Variants in PLS3 observed in about 807,000 individuals in gnomAD.
PLS3 encodes plastin 3, also known as plastin-3.
In PLS3, 11 loss-of-function variants were observed where a neutral mutation model predicts 46.5. That is an observed-to-expected ratio of 0.24 (90% CI 0.15 to 0.39). PLS3 has a LOEUF of 0.39. PLS3 is among the 10% of genes least tolerant of loss of function. PLS3 has a pLI of 1.00. For missense variants in PLS3, 308 were observed against 461.8 expected (o/e 0.67, Z 3.05); for synonymous variants, 167 against 162.2 (o/e 1.03, Z -0.22).
At chrX:115,590,441 G>A (rs782373083) in intron 1 of PLS3, among the ~76,000 whole-genome samples, 1 of 110,969 alleles carries the variant, frequency 9.0e-6, no homozygotes, top group Non-Finnish European at 1.9e-5. Context: ...CCCCCGTCAC[G>A]CACACACCCA....
chrX:115,633,101 A>T (rs782731623), intron 5 of PLS3, among the ~76,000 whole-genome samples: 1 of 110,845 alleles, frequency 9.0e-6, no homozygotes, highest in South Asian at 3.9e-4. Flanking sequence ...AATTAAAAAA[A>T]ATTGAAAGAG....
intron 8 of PLS3, chrX:115,639,848 G>A (rs782470034): frequency 3.5e-5 from 15 of 424,189 alleles, no homozygotes; most frequent in Admixed American, 2.2e-4. Flanking sequence ...GGTTTAAAAC[G>A]AAAAGAGACC....
chrX:115,646,753 T>A (rs782624402), intron 13 of PLS3, among the ~76,000 whole-genome samples: 1 of 112,445 alleles, frequency 8.9e-6, no homozygotes, highest in African/African-American at 3.2e-5. Context: ...GTCCCTTTTT[T>A]AAAAAATAGG....
intron 3 of PLS3, among the ~76,000 whole-genome samples, chrX:115,628,176 C>A (rs1457870739): frequency 8.9e-6 from 1 of 112,261 alleles, no homozygotes; most frequent in Non-Finnish European, 1.9e-5. Flanking sequence ...TGCTCTGACA[C>A]ATACAACCTG....
intron 1 of PLS3, among the ~76,000 whole-genome samples, chrX:115,577,222 A>G (rs906366262): frequency 8.9e-6 from 1 of 111,782 alleles, no homozygotes; most frequent in African/African-American, 3.2e-5. Context: ...TCTGAAACTC[A>G]TATCACCCAT....
At chrX:115,602,710 T>C (rs1320035043) in intron 1 of PLS3, among the ~76,000 whole-genome samples, 3 of 111,526 alleles carry the variant, frequency 2.7e-5, no homozygotes, top group African/African-American at 9.8e-5. Context: ...CCCTCTTTGT[T>C]GCTTTCTTGT....
At chrX:115,582,448 T>C (rs1556631935) in intron 1 of PLS3, among the ~76,000 whole-genome samples, 2 of 112,302 alleles carry the variant, frequency 1.8e-5, no homozygotes, top group Non-Finnish European at 1.9e-5. Context: ...TCCAGCATAG[T>C]GTTATGTTTA....
intron 1 of PLS3, among the ~76,000 whole-genome samples, chrX:115,567,375 T>C (rs2074182685): frequency 9.1e-6 from 1 of 110,399 alleles, no homozygotes; most frequent in Non-Finnish European, 1.9e-5. Flanking sequence ...GGTGGGTGGA[T>C]CACTTCAGGC....
chrX:115,600,616 T>G (rs1306076719), intron 1 of PLS3, among the ~76,000 whole-genome samples: 1 of 112,616 alleles, frequency 8.9e-6, no homozygotes, highest in Non-Finnish European at 1.9e-5. Flanking sequence ...ATTGTTCTCT[T>G]TGACCAAGTT....
intron 1 of PLS3, among the ~76,000 whole-genome samples, chrX:115,580,999 G>C (rs1275139955): frequency 1.2e-4 from 13 of 111,344 alleles, no homozygotes; most frequent in African/African-American, 4.2e-4. Context: ...GCCTCCCAAA[G>C]TCCTGGTATT....
chrX:115,569,010 C>T lies in PLS3; in HGVS notation c.-9+7750C>T, dbSNP rs781955805. On this transcript the variant is annotated intron_variant, in intron 1 of 15. Coordinates refer to ENST00000355899, the MANE Select transcript of PLS3 (RefSeq NM_005032.7). ...AAGATTGCACCACTGCACTCCAGCC[C>T]GGGCAACAGAGCACGACTCCGTTTC... Among the ~76,000 whole-genome samples, 6 of 97,643 alleles carry T rather than the reference C, an allele frequency of 6.1e-5. No individual in the cohort carries two copies. In the South Asian group the frequency reaches 1.5e-3, roughly 24 times the overall value. The allele number at this position is 97,643 out of a possible 115,157, so 84.8% of individuals were successfully genotyped here. A position where few individuals can be genotyped will look rare whatever the true frequency, so the allele number is the denominator to read the frequency against.
At chrX:115,568,865 C>G in intron 1 of PLS3, among the ~76,000 whole-genome samples, 1 of 111,236 alleles carries the variant, frequency 9.0e-6, no homozygotes, top group Non-Finnish European at 1.9e-5. Context: ...AAAACTCCGT[C>G]TCTACTAAAA....
intron 1 of PLS3, among the ~76,000 whole-genome samples, chrX:115,564,366 T>C (rs1556629882): frequency 8.9e-6 from 1 of 112,271 alleles, no homozygotes; most frequent in East Asian, 2.8e-4. Flanking sequence ...TAGTGAGTAA[T>C]AATTTGGGTG....
chrX:115,627,146 C>T (rs2147528242), intron 3 of PLS3, among the ~76,000 whole-genome samples: 1 of 111,586 alleles, frequency 9.0e-6, no homozygotes, highest in South Asian at 3.8e-4. Flanking sequence ...GCCACCGTGC[C>T]CAGCCTACTT....
chrX:115,565,605 C>G (rs1328455683), intron 1 of PLS3, among the ~76,000 whole-genome samples: 1 of 111,633 alleles, frequency 9.0e-6, no homozygotes, highest in African/African-American at 3.3e-5. Context: ...TTTTGGTTTG[C>G]TGGGTTTTAT....
At chrX:115,610,203 C>A (rs2074534349) in intron 1 of PLS3, 40 bp from the exon 2 acceptor site, 6 of 724,089 alleles carry the variant, frequency 8.3e-6, no homozygotes, top group Non-Finnish European at 1.2e-5. Flanking sequence ...ATATTTATCA[C>A]AATTTTTTAA....
intron 1 of PLS3, among the ~76,000 whole-genome samples, chrX:115,568,266 C>G (rs970588638): frequency 9.0e-6 from 1 of 111,724 alleles, no homozygotes; most frequent in Non-Finnish European, 1.9e-5. Flanking sequence ...ATGAATTAAT[C>G]TACTGGGAAA....
chrX:115,647,248 A>T (rs2074961139), intron 13 of PLS3, among the ~76,000 whole-genome samples: 1 of 108,893 alleles, frequency 9.2e-6, no homozygotes, highest in South Asian at 3.9e-4. Context: ...TCCTGGCTAC[A>T]CGGTGAAACC....
intron 1 of PLS3, among the ~76,000 whole-genome samples, chrX:115,607,320 C>G (rs2074503245): frequency 9.0e-6 from 1 of 110,776 alleles, no homozygotes; most frequent in South Asian, 3.8e-4. Context: ...AACTTCATTA[C>G]TAACTGAAGA....
Sources: allele counts gnomAD v4.1 joint callset (sites outside exome capture counted in the v4.1 genomes callset), GRCh38; gene constraint gnomAD v4.1.1; transcripts MANE v1.5; gene names NCBI Gene and HGNC (gene_info 2026-07-23, HGNC 2026-07-21).